The following ZMAT1 variants were observed in gnomAD, a reference collection of about 807,000 sequenced individuals.
ZMAT1 encodes the protein zinc finger matrin-type 1, also known as zinc finger matrin-type protein 1.
ZMAT1 carries 11 observed loss-of-function variants against 18.5 expected under a neutral mutation model. That is an observed-to-expected ratio of 0.59 (90% CI 0.37 to 0.98). ZMAT1 has a LOEUF of 0.98. Ranked by LOEUF, ZMAT1 falls within the 50% of genes least tolerant of loss-of-function variation. The pLI is 0.01. For missense variants in ZMAT1, 525 were observed against 496.2 expected, an observed-to-expected ratio of 1.06 and a Z score of -0.55; for synonymous variants, 211 against 176.4, an observed-to-expected ratio of 1.20 and a Z score of -1.55.
intron 1 of ZMAT1, among the ~76,000 whole-genome samples, chrX:101,927,203 G>A (rs1930107309): frequency 8.9e-6 from 1 of 112,461 alleles, no homozygotes; most frequent in Admixed American, 9.4e-5. Flanking sequence ...CACAATCTTA[G>A]AAAAGAATGA....
rs1460008655 is a variant in ZMAT1 at position 101,931,954 on chromosome X, C to T, written c.55G>A (p.Glu19Lys). The T allele has an allele frequency of 6.5e-6, 5 of 774,403 alleles. No homozygotes were observed. In the African/African-American group the frequency reaches 9.2e-5, roughly 14 times the overall value. The allele number at this position is 774,403 out of a possible 1,213,427, so 63.8% of individuals were successfully genotyped here. ...GAGGAGGCGGCAGAGACGGTAGCTT[C>T]CTGAGGGGAAGACTCCGCCGCCAGC... ...TPLAAESSPQ[E>K]ATVSAASSSS... Residue 19 changes from glutamate (E) to lysine (K), a missense_variant, in exon 1 of 6, where the codon GAA becomes AAA. Glu to Lys is a moderately conservative substitution (Grantham distance 56). Transcript: ENST00000651725.
intron 4 of ZMAT1, chrX:101,887,181 A>G (rs1364549990): frequency 2.7e-6 from 2 of 728,938 alleles, no homozygotes; most frequent in South Asian, 1.4e-4. Context: ...ATAAAGGCAA[A>G]TTTTTTACTC....
intron 1 of ZMAT1, chrX:101,911,595 G>A: frequency 8.6e-7 from 1 of 1,165,200 alleles, no homozygotes; most frequent in Non-Finnish European, 1.2e-6. Flanking sequence ...ACTGTAGCAA[G>A]GCATTCAGTC....
chrX:101,917,949 C>T (rs1473272895), intron 1 of ZMAT1, among the ~76,000 whole-genome samples: 1 of 111,912 alleles, frequency 8.9e-6, no homozygotes, highest in Non-Finnish European at 1.9e-5. Flanking sequence ...ACAAACATTG[C>T]ATATTCTCAC....
At chrX:101,928,030 C>T (rs1354552689) in intron 1 of ZMAT1, among the ~76,000 whole-genome samples, 4 of 111,792 alleles carry the variant, frequency 3.6e-5, no homozygotes, top group Non-Finnish European at 7.5e-5. Flanking sequence ...ACTATTCTTC[C>T]GTCACACCAT....
rs954814900 is a variant in ZMAT1, at chrX:101,884,398, A to T, written c.1200T>A (p.Val400=). 3 of 1,208,829 alleles carry T rather than the reference A, an allele frequency of 2.5e-6. No individual in the cohort carries two copies. The African/African-American group carries it at 5.3e-5, about 21-fold the overall frequency. ...ACATTCTTGATCTGGGTCCAGAATCAACCATTTCTCTGTACCCATGAGTAT... is the reference window on the plus strand; with the variant it reads ...ACATTCTTGATCTGGGTCCAGAATCTACCATTTCTCTGTACCCATGAGTAT... ...SVDTHGYREM[V]DSGPRSRMCE... The change falls in exon 6 of 6, where the codon GTT becomes GTA. Residue 400 remains valine, a synonymous_variant. Coordinates refer to ENST00000651725, the MANE Select transcript of ZMAT1 (RefSeq NM_001394560.1).
chrX:101,904,532 A>C (rs914781465), intron 1 of ZMAT1, among the ~76,000 whole-genome samples: 1 of 111,668 alleles, frequency 9.0e-6, no homozygotes, highest in Non-Finnish European at 1.9e-5. Context: ...GGCAAGAGTT[A>C]TTTTAGTATG....
chrX:101,904,512 T>C lies in ZMAT1; in HGVS notation c.293-182A>G, dbSNP rs183404833. On this transcript the variant is annotated intron_variant, in intron 1 of 5. Transcript: ENST00000651725. ...ATGCACATACTAAGTATCCCTCTAATGTCAGATATGGCAAGAGTTATTTTA... is the reference window on the plus strand; with the variant it reads ...ATGCACATACTAAGTATCCCTCTAACGTCAGATATGGCAAGAGTTATTTTA... Among the ~76,000 whole-genome samples, 22 of 111,948 alleles carry C rather than the reference T, an allele frequency of 2.0e-4. No individual in the cohort carries two copies. In the East Asian group the frequency reaches 2.8e-3, roughly 14 times the overall value.
rs758544006 is a variant in ZMAT1, at chrX:101,887,061, C to CA, written c.677-331dup. On this transcript the variant is annotated intron_variant, in intron 4 of 5. Coordinates refer to ENST00000651725, the MANE Select transcript of ZMAT1 (RefSeq NM_001394560.1). ...GGTGCAACAGGCACCTGAAATTTAG[C>CA]ATGGCCAACCAACCTTTGCCTCTGA... 126 of 183,942 alleles carry CA rather than the reference C, an allele frequency of 6.8e-4. 1 individual carries two copies. The highest frequency in any genetic ancestry group is 2.4e-3 in the Middle Eastern group (1 of 412). 15.2% of individuals were successfully genotyped at this position (183,942 alleles called of 1,213,427 possible). A position where few individuals can be genotyped will look rare whatever the true frequency, so the allele number is the denominator to read the frequency against.
chrX:101,908,587 T>C (rs992382229), intron 1 of ZMAT1, among the ~76,000 whole-genome samples: 4 of 111,397 alleles, frequency 3.6e-5, no homozygotes, highest in Admixed American at 2.9e-4. Context: ...AGAGAGCATT[T>C]CTGGATGCTG....
chrX:101,915,345 C>CAA (rs749271882), intron 1 of ZMAT1, among the ~76,000 whole-genome samples: 3 of 54,384 alleles, frequency 5.5e-5, no homozygotes, highest in African/African-American at 1.1e-4. Context: ...AGCAATCAAA[C>CAA]AAAAAATATA....
At chrX:101,898,791 C>G (rs923609572) in intron 2 of ZMAT1, among the ~76,000 whole-genome samples, 2 of 112,003 alleles carry the variant, frequency 1.8e-5, no homozygotes, top group African/African-American at 6.5e-5. Flanking sequence ...TGGCTCACGC[C>G]TGTAATCCCA....
At chrX:101,898,898 A>C (rs1439651456) in intron 2 of ZMAT1, among the ~76,000 whole-genome samples, 1 of 111,332 alleles carries the variant, frequency 9.0e-6, no homozygotes. Context: ...AAATACAAAA[A>C]TTAGCTGGGC....
chrX:101,918,529 T>G (rs1317871893), intron 1 of ZMAT1: 2 of 106,719 alleles, frequency 1.9e-5, no homozygotes, highest in Middle Eastern at 4.5e-3. Context: ...TCCCAGCTAT[T>G]TGGGAGGCTG....
At chrX:101,930,992 T>G (rs1930442806) in intron 1 of ZMAT1, among the ~76,000 whole-genome samples, 1 of 111,995 alleles carries the variant, frequency 8.9e-6, no homozygotes, top group Non-Finnish European at 1.9e-5. Flanking sequence ...CTTGCTTTAC[T>G]AGGTCACATC....
intron 1 of ZMAT1, among the ~76,000 whole-genome samples, chrX:101,924,391 C>T (rs764460848): frequency 4.5e-5 from 5 of 112,172 alleles, no homozygotes; most frequent in South Asian, 7.4e-4. Flanking sequence ...GGATTACAGG[C>T]GTGAGCCACC....
At chrX:101,895,998 T>A (rs761108921) in intron 4 of ZMAT1, 82 of 225,776 alleles carry the variant, frequency 3.6e-4, no homozygotes, top group African/African-American at 2.3e-3. Flanking sequence ...GGACTTTTTT[T>A]TTCAACAGAC....
chrX:101,892,578 G>A (rs1159470709), intron 4 of ZMAT1: 1 of 150,514 alleles, frequency 6.6e-6, no homozygotes, highest in Non-Finnish European at 1.1e-5. Flanking sequence ...GTTGACTGTA[G>A]AGATTATTAA....
chrX:101,931,040 G>C (rs1469685588), intron 1 of ZMAT1, among the ~76,000 whole-genome samples: 1 of 111,509 alleles, frequency 9.0e-6, no homozygotes, highest in African/African-American at 3.3e-5. Context: ...AGTGATTCCT[G>C]AAATCTGTAC....
Sources: allele counts gnomAD v4.1 joint callset (sites outside exome capture counted in the v4.1 genomes callset), GRCh38; gene constraint gnomAD v4.1.1; transcripts MANE v1.5; gene names NCBI Gene and HGNC (gene_info 2026-07-23, HGNC 2026-07-21).